The following KRT73 variants were observed in gnomAD, a reference collection of about 807,000 sequenced individuals.
The protein encoded by KRT73 is keratin 73.
In KRT73, 44 loss-of-function variants were observed where a neutral mutation model predicts 47.2. The observed-to-expected ratio is 0.93, with a 90% confidence interval of 0.73 to 1.20. The LOEUF is 1.20. KRT73 is among the 50% of genes most tolerant of loss of function. KRT73 has a pLI of 0.00. For synonymous variants in KRT73, 285 were observed against 291.3 expected (o/e 0.98, Z 0.22); for missense variants, 713 against 704.5 (o/e 1.01, Z -0.14).
chr12:52,610,518 G>T (rs1021463865), intron 7 of KRT73, 97 bp downstream of exon 7: 3 of 480,278 alleles, frequency 6.2e-6, no homozygotes, highest in East Asian at 5.7e-5. Context: ...TAAACACATC[G>T]CCAGCTCGCC....
chr12:52,625,196 GGATGAGAA>G, the KRT73 span, among the ~76,000 whole-genome samples: 1 of 152,118 alleles, frequency 6.6e-6, no homozygotes, highest in Non-Finnish European at 1.5e-5. Flanking sequence ...TTGTTAAGGA[GGATGAGAA>G]GACAAGCAAT....
chr12:52,616,619 T>C lies in KRT73; in HGVS notation c.448-239A>G, dbSNP rs192288437. On this transcript the variant is annotated intron_variant, in intron 1 of 8. Transcript: ENST00000305748. ...AGGGGCACCAATGTCTTCATTTCCC[T>C]CTCAAACTATCAAGATCTAGATCTC... is the stretch of plus-strand genomic sequence containing the variant. 3.9e-5 allele frequency among the ~76,000 whole-genome samples: 6 copies of C among 152,206 alleles called. No homozygotes were observed. In the East Asian group the frequency reaches 9.7e-4, roughly 25 times the overall value.
intron 8 of KRT73, among the ~76,000 whole-genome samples, chr12:52,609,026 A>G (rs948818961): frequency 6.6e-6 from 1 of 152,172 alleles, no homozygotes; most frequent in Non-Finnish European, 1.5e-5. Context: ...GCTATGAAAG[A>G]GGCTAGTGTG....
In KRT73 at chr12:52,614,749, G is replaced by A. The variant is rs1940777776; in HGVS notation, c.724-75C>T. ...AGGCCTCTCCAGCGAACTGACACCTGCAGGCCCTGCCCTAGCTAGCTGCCC... is the reference window on the plus strand; with the variant it reads ...AGGCCTCTCCAGCGAACTGACACCTACAGGCCCTGCCCTAGCTAGCTGCCC... On this transcript the variant is annotated intron_variant, in intron 3 of 8. Transcript: ENST00000305748. 4 of 1,205,182 alleles carry A rather than the reference G, an allele frequency of 3.3e-6. No homozygotes were observed. In the Admixed American group the frequency reaches 8.9e-5, roughly 27 times the overall value. 74.7% of individuals were successfully genotyped at this position (1,205,182 alleles called of 1,614,324 possible).
chr12:52,617,390 GATT>G (rs1191014620), intron 1 of KRT73, among the ~76,000 whole-genome samples: 1 of 152,214 alleles, frequency 6.6e-6, no homozygotes, highest in Non-Finnish European at 1.5e-5. Flanking sequence ...CAGAGTCTCT[GATT>G]CAGTTGCTCT....
At chr12:52,626,513 A>G in the KRT73 span, among the ~76,000 whole-genome samples, 1 of 152,206 alleles carries the variant, frequency 6.6e-6, no homozygotes, top group African/African-American at 2.4e-5. Context: ...TTTTAACAGC[A>G]CAATCAGGAG....
In KRT73 at chr12:52,610,626, G is replaced by A. The variant is rs149745115; in HGVS notation, c.1320C>T (p.Gly440=). 5,458 of 1,405,370 alleles carry A rather than the reference G, an allele frequency of 3.9e-3. 17 individuals are homozygous for A. The highest frequency in any genetic ancestry group is 4.6e-3 in the Non-Finnish European group (4,836 of 1,053,300). 87.1% of individuals were successfully genotyped at this position (1,405,370 alleles called of 1,614,324 possible). ...EIATYRKLLE[G]EECRMSGEYT... is the part of the protein sequence containing the mutation. Reference sequence around the variant, plus strand: ...TCGGTCCCACCCACCTGCACTCCTCGCCCTCCAGCAGCTTGCGGTAGGTGG... The same window carrying A: ...TCGGTCCCACCCACCTGCACTCCTCACCCTCCAGCAGCTTGCGGTAGGTGG... The change falls in exon 7 of 9, where the codon GGC becomes GGT. Residue 440 remains glycine, a synonymous_variant. Coordinates refer to ENST00000305748, the MANE Select transcript of KRT73 (RefSeq NM_175068.3).
the KRT73 span, among the ~76,000 whole-genome samples, chr12:52,626,770 AG>A: frequency 1.3e-5 from 2 of 152,206 alleles, no homozygotes; most frequent in East Asian, 3.9e-4. Context: ...TCAAAGCTGC[AG>A]CATGGAGTCC....
the KRT73 span, among the ~76,000 whole-genome samples, chr12:52,629,886 C>T: frequency 6.6e-6 from 1 of 152,204 alleles, no homozygotes; most frequent in Admixed American, 6.5e-5. Context: ...AACCCACAGT[C>T]GCCTCATGGC....
chr12:52,629,962 C>A, the KRT73 span, among the ~76,000 whole-genome samples: 4 of 152,174 alleles, frequency 2.6e-5, no homozygotes, highest in East Asian at 3.9e-4. Context: ...TGCCTTCCAC[C>A]CTTTCCAAGC....
At position 52,618,558 on chromosome 12, in the gene KRT73, G is replaced by A; in HGVS notation, c.-34C>T. 1 of 1,561,102 alleles carries A rather than the reference G, an allele frequency of 6.4e-7. No homozygotes were observed. Among genetic ancestry groups the A allele is most frequent in the Non-Finnish European group, 8.7e-7 (1 of 1,154,398 alleles). On this transcript the variant is annotated 5_prime_UTR_variant, in exon 1 of 9. Coordinates refer to ENST00000305748, the MANE Select transcript of KRT73 (RefSeq NM_175068.3). ...GGCCAGAAAGTGGGGATAAGATGCT[G>A]ACCCTTAGCTGAGATGCAGTTCACC...
rs116330890 is a variant in KRT73 at position 52,613,598 on chromosome 12, G to A, written c.984+90C>T. 3.1e-3 allele frequency: 4,799 copies of A among 1,565,364 alleles called. 126 individuals are homozygous for A. The East Asian group carries it at 0.036, about 12-fold the overall frequency. The stretch of plus-strand genomic sequence containing the variant: ...GAGTGCTGTGCTCCCAGCAAGCTAT[G>A]GGCCACCACAGTGAGTCATGGGGCA... On this transcript the variant is annotated intron_variant, in intron 5 of 8. Transcript: ENST00000305748.
intron 5 of KRT73, 91 bp downstream of exon 5, chr12:52,613,597 T>C (rs1231958731): frequency 6.4e-7 from 1 of 1,564,802 alleles, no homozygotes; most frequent in Non-Finnish European, 8.7e-7. Context: ...CAGCAAGCTA[T>C]GGGCCACCAC....
Position 52,608,424 on chromosome 12 carries a change from C to T in KRT73, c.1395G>A (p.Met465Ile), listed in dbSNP as rs1274027908. 1 of 1,611,348 alleles carries T rather than the reference C, an allele frequency of 6.2e-7. No homozygotes were observed. Among genetic ancestry groups the T allele is most frequent in the Non-Finnish European group, 8.5e-7 (1 of 1,179,802 alleles). Residue 465 changes from methionine to isoleucine, a missense_variant, in exon 9 of 9, where the codon ATG becomes ATA. Coordinates refer to ENST00000305748, the MANE Select transcript of KRT73 (RefSeq NM_175068.3). ...ISVINSSMAG[M>I]AGTGAGFGFS... Reference sequence around the variant, plus strand: ...ATCCAAAGCCAGCCCCTGTGCCTGCCATCCCGGCCATGGAGCTGTTGATGA... The same window carrying T: ...ATCCAAAGCCAGCCCCTGTGCCTGCTATCCCGGCCATGGAGCTGTTGATGA...
Position 52,608,075 on chromosome 12 carries a change from T to C in KRT73, c.*121A>G. On this transcript the variant is annotated 3_prime_UTR_variant, in exon 9 of 9. Transcript: ENST00000305748. ...AGAGGTCAAGGAGAAGGAGGAGAGG[T>C]CCACAGCAAAGCAAAGCAAGAAGGA... 1.2e-5 allele frequency: 13 copies of C among 1,060,382 alleles called. No homozygotes were observed. In the South Asian group the frequency reaches 1.8e-4, roughly 15 times the overall value. The allele number at this position is 1,060,382 out of a possible 1,614,324, so 65.7% of individuals were successfully genotyped here.
intron 6 of KRT73, 70 bp from the exon 7 acceptor site, chr12:52,610,905 A>C: frequency 7.5e-7 from 1 of 1,331,688 alleles, no homozygotes; most frequent in Non-Finnish European, 1.0e-6. Context: ...CCATGCTCTC[A>C]ATGGTTGAGC....
chr12:52,620,713 G>A (rs1444771834), upstream of KRT73, among the ~76,000 whole-genome samples: 3 of 151,976 alleles, frequency 2.0e-5, no homozygotes, highest in Non-Finnish European at 4.4e-5. Context: ...TCCCCTCCCT[G>A]GCCTTCTCAT....
intron 4 of KRT73, 65 bp downstream of exon 4, chr12:52,614,514 A>C: frequency 7.1e-7 from 1 of 1,398,772 alleles, no homozygotes; most frequent in Non-Finnish European, 9.9e-7. Flanking sequence ...ATAAGTAAGA[A>C]ACTGTTCATC....
chr12:52,619,517 G>C (rs189956368), upstream of KRT73, among the ~76,000 whole-genome samples: 1 of 152,180 alleles, frequency 6.6e-6, no homozygotes, highest in Non-Finnish European at 1.5e-5. Flanking sequence ...CCCTTGGCTG[G>C]TCTTCTGACT....
Sources: gnomAD v4.1 joint callset for allele counts (sites outside exome capture counted in the v4.1 genomes callset) on GRCh38, gnomAD v4.1.1 for gene constraint, MANE v1.5 for transcripts, NCBI Gene and HGNC (gene_info 2026-07-23, HGNC 2026-07-21) for gene names.